The following SYNE1 variants were observed in gnomAD, a reference collection of about 807,000 sequenced individuals.
The protein encoded by SYNE1 is spectrin repeat containing nuclear envelope protein 1, also known as nesprin-1.
SYNE1 carries 616 observed loss-of-function variants against 1,111.0 expected under a neutral mutation model. The observed-to-expected ratio is 0.55, with a 90% confidence interval of 0.52 to 0.59. SYNE1 has a LOEUF of 0.59. SYNE1 is among the 20% of genes least tolerant of loss of function. SYNE1 has a pLI of 0.00. For synonymous variants in SYNE1, 3,855 were observed against 3,825.8 expected (o/e 1.01, Z -0.28); for missense variants, 10,006 against 10,417.0 (o/e 0.96, Z 1.72).
At chr6:152,211,623 G>C (rs180893624) in intron 123 of SYNE1, 35 bp from the exon 124 acceptor site, 4 of 1,570,326 alleles carry the variant, frequency 2.5e-6, no homozygotes, top group East Asian at 4.5e-5. Flanking sequence ...ATACTTTAGA[G>C]TTCCTAATTT....
rs2153708984 is a variant in SYNE1, at chr6:152,278,074, G to A, written c.18573+15C>T. On this transcript the variant is annotated intron_variant, in intron 98 of 145. Transcript: ENST00000367255. Reference sequence around the variant, plus strand: ...TGCCAACTTTCAGCTGTGGGCCAGCGGCTGGAACCCTCACCTGCATGTTGA... The same window carrying A: ...TGCCAACTTTCAGCTGTGGGCCAGCAGCTGGAACCCTCACCTGCATGTTGA... 1.2e-6 allele frequency: 2 copies of A among 1,613,536 alleles called. No homozygotes were observed. The highest frequency in any genetic ancestry group is 1.3e-5 in the African/African-American group (1 of 75,054).
chr6:152,629,326 TC>T (rs1212394766), intron 2 of SYNE1, among the ~76,000 whole-genome samples: 1 of 151,892 alleles, frequency 6.6e-6, no homozygotes, highest in Non-Finnish European at 1.5e-5. Context: ...TGCCTCAGCC[TC>T]CTAAGTAGCT....
In SYNE1 at chr6:152,372,918, G is replaced by A; in HGVS notation, c.9507+119C>T. Reference sequence around the variant, plus strand: ...TTAGCCCATTGTCTTCTTATGTTCTGAGAGGGGTAACCAAAATCATTGACA... The same window carrying A: ...TTAGCCCATTGTCTTCTTATGTTCTAAGAGGGGTAACCAAAATCATTGACA... On this transcript the variant is annotated intron_variant, in intron 59 of 145. Transcript: ENST00000367255. The A allele has an allele frequency of 3.7e-6, 4 of 1,089,952 alleles. No homozygotes were observed. In the South Asian group the frequency reaches 3.8e-5, roughly 10 times the overall value. 67.5% of individuals were successfully genotyped at this position (1,089,952 alleles called of 1,614,324 possible). A position where few individuals can be genotyped will look rare whatever the true frequency, so the allele number is the denominator to read the frequency against.
chr6:152,575,226 C>G (rs2099491625), intron 3 of SYNE1, among the ~76,000 whole-genome samples: 2 of 152,160 alleles, frequency 1.3e-5, no homozygotes, highest in Non-Finnish European at 2.9e-5. Context: ...AAAGTTTTTC[C>G]TAATGTCATA....
At chr6:152,585,813 A>G (rs2099536429) in intron 3 of SYNE1, among the ~76,000 whole-genome samples, 1 of 152,234 alleles carries the variant, frequency 6.6e-6, no homozygotes, top group Admixed American at 6.5e-5. Context: ...GCCATATGGA[A>G]TCGTAAAAAT....
chr6:152,635,510 TA>T (rs960436504), intron 2 of SYNE1, among the ~76,000 whole-genome samples: 1 of 152,174 alleles, frequency 6.6e-6, no homozygotes, highest in African/African-American at 2.4e-5. Context: ...CCATGGGGAA[TA>T]AAAAGCCTCT....
At chr6:152,518,011 AAAC>A (rs140950087) in intron 6 of SYNE1, among the ~76,000 whole-genome samples, 7,152 of 152,132 alleles carry the variant, frequency 0.047, 227 homozygotes, top group Non-Finnish European at 0.066. Context: ...AATAGAACAC[AAAC>A]AACAACAAAT....
At position 152,505,373 on chromosome 6, in the gene SYNE1, A is replaced by C; in HGVS notation, c.606T>G (p.Asp202Glu). 1 of 1,613,976 alleles carries C rather than the reference A, an allele frequency of 6.2e-7. No individual in the cohort carries two copies. Among genetic ancestry groups the C allele is most frequent in the Non-Finnish European group, 8.5e-7 (1 of 1,179,994 alleles). ...AGKQTGIEVK[D>E]FGKSWRSGVA... is the part of the protein sequence containing the mutation. ...CCCCGCTTCTCCAACTCTTCCCAAA[A>C]TCTTTTACTTCTATTCCAGTCTGCC... The change falls in exon 9 of 146, where the codon GAT becomes GAG. Residue 202 changes from aspartate (D) to glutamate (E), a missense_variant. Transcript: ENST00000367255.
At chr6:152,437,794 A>G (rs2098487250) in intron 32 of SYNE1, among the ~76,000 whole-genome samples, 1 of 152,218 alleles carries the variant, frequency 6.6e-6, no homozygotes, top group African/African-American at 2.4e-5. Context: ...TGAATAATGT[A>G]GAAATATAAG....
chr6:152,611,206 G>A lies in SYNE1; in HGVS notation c.67+17059C>T, dbSNP rs1301989119. Among the ~76,000 whole-genome samples, 4 of 152,184 alleles carry A rather than the reference G, an allele frequency of 2.6e-5. No homozygotes were observed. The East Asian group carries it at 5.8e-4, about 22-fold the overall frequency. On this transcript the variant is annotated intron_variant, in intron 3 of 145. Coordinates refer to ENST00000367255, the MANE Select transcript of SYNE1 (RefSeq NM_182961.4). ...ATTAAAAGATACAGACTCACAAATT[G>A]TATAAAGAGTCAAGACCCATCAGTG...
chr6:152,635,204 A>T (rs1352121301), intron 2 of SYNE1, among the ~76,000 whole-genome samples: 1 of 152,268 alleles, frequency 6.6e-6, no homozygotes, highest in Admixed American at 6.5e-5. Flanking sequence ...AATGAGGTCA[A>T]TGAGGACAGA....
chr6:152,326,584 A>G lies in SYNE1; in HGVS notation c.15005T>C (p.Phe5002Ser), dbSNP rs146666200. ...CTCAAGCCAGTCATTGGCTGCTTGA[A>G]ATACCTGATAATACCTTTGACACTG... ...YSQCQRYYQV[F>S]QAANDWLEDA... The change falls in exon 79 of 146, where the codon TTT becomes TCT. Residue 5002 changes from phenylalanine (F) to serine (S), a missense_variant. Physicochemically the swap from Phe to Ser is radical, Grantham distance 155. This residue lies in a region of SYNE1 where 4,955 missense variants were observed against 5,017.2 expected (regional missense o/e 0.99). Transcript: ENST00000367255. The G allele has an allele frequency of 3.2e-5, 52 of 1,614,088 alleles. 1 individual carries two copies. In the African/African-American group the frequency reaches 6.9e-4, roughly 22 times the overall value.
intron 107 of SYNE1, among the ~76,000 whole-genome samples, chr6:152,241,801 C>A (rs973792414): frequency 2.6e-5 from 4 of 152,028 alleles, no homozygotes; most frequent in Non-Finnish European, 4.4e-5. Flanking sequence ...AGCGAGGAGT[C>A]CTTGACGAGG....
At chr6:152,396,551 G>C (rs867404842) in intron 50 of SYNE1, among the ~76,000 whole-genome samples, 1 of 152,146 alleles carries the variant, frequency 6.6e-6, no homozygotes, top group African/African-American at 2.4e-5. Context: ...TCAGTTACTA[G>C]TAAATATAGT....
chr6:152,184,125 A>G (rs2068964139), intron 128 of SYNE1, among the ~76,000 whole-genome samples: 1 of 152,234 alleles, frequency 6.6e-6, no homozygotes, highest in African/African-American at 2.4e-5. Flanking sequence ...TAGAGAAATA[A>G]GAGAGTAATT....
intron 62 of SYNE1, among the ~76,000 whole-genome samples, chr6:152,366,078 A>ATCCCAGCACTTTGGGAGG (rs1374172644): frequency 1.3e-5 from 2 of 152,124 alleles, no homozygotes; most frequent in African/African-American, 2.4e-5. Flanking sequence ...TCACCCTGTA[A>ATCCCAGCACTTTGGGAGG]TCCCAGCACT....
chr6:152,508,704 T>C (rs1007116782), intron 8 of SYNE1, among the ~76,000 whole-genome samples: 3 of 152,240 alleles, frequency 2.0e-5, no homozygotes, highest in African/African-American at 7.2e-5. Context: ...GTAATGCCAC[T>C]GTGGATGCAA....
At chr6:152,518,678 A>G (rs1003896014) in intron 6 of SYNE1, among the ~76,000 whole-genome samples, 2 of 152,124 alleles carry the variant, frequency 1.3e-5, no homozygotes, top group South Asian at 4.1e-4. Flanking sequence ...ATAAGTAAAT[A>G]TATTGTAGAT....
Position 152,122,486 on chromosome 6 carries a change from G to A in SYNE1, c.26344C>T (p.Arg8782Trp), listed in dbSNP as rs894581389. 1.9e-6 allele frequency: 3 copies of A among 1,614,176 alleles called. No homozygotes were observed. Among genetic ancestry groups the A allele is most frequent in the South Asian group, 1.1e-5 (1 of 91,082 alleles). Reference protein sequence around the residue: ...YSCALSNNFARSFHPMLRYTN... With the variant: ...YSCALSNNFAWSFHPMLRYTN... ...TATCTGAGCATGGGGTGGAATGACCGGGCAAAGTTGTTGGAGAGGGCACAG... is the reference window on the plus strand; with the variant it reads ...TATCTGAGCATGGGGTGGAATGACCAGGCAAAGTTGTTGGAGAGGGCACAG... The change falls in exon 146 of 146, where the codon CGG becomes TGG. Residue 8782 changes from arginine to tryptophan, a missense_variant. Around this residue, in one of 7 missense-constraint regions of SYNE1, gnomAD observed 761 missense variants for 795.5 expected, o/e 0.96. Coordinates refer to ENST00000367255, the MANE Select transcript of SYNE1 (RefSeq NM_182961.4).
Sources: gnomAD v4.1 joint callset for allele counts (sites outside exome capture counted in the v4.1 genomes callset) on GRCh38, gnomAD v4.1.1 for gene constraint, gnomAD v4.1.1 regional missense constraint, MANE v1.5 for transcripts, NCBI Gene and HGNC (gene_info 2026-07-23, HGNC 2026-07-21) for gene names.